Variants in FKBP15 observed in about 807,000 individuals in gnomAD.
FKBP15 encodes FKBP prolyl isomerase family member 15.
A neutral mutation model predicts 158.1 loss-of-function variants in FKBP15; 106 were observed. The observed-to-expected ratio is 0.67, with a 90% CI of 0.57 to 0.79. The LOEUF is 0.79. Among genes scored for constraint, FKBP15 ranks in the 30% least tolerant of loss-of-function variants. The pLI is 0.00. For synonymous variants in FKBP15, 547 were observed against 548.6 expected (o/e 1.00, Z 0.04); for missense variants, 1,287 against 1,479.1 (o/e 0.87, Z 2.13).
At chr9:113,189,312 T>C (rs1042000858) in intron 12 of FKBP15, among the ~76,000 whole-genome samples, 147 of 152,328 alleles carry the variant, frequency 9.7e-4, no homozygotes, top group African/African-American at 3.5e-3. Flanking sequence ...AATGATATAA[T>C]GGAACACTGG....
At chr9:113,206,934 A>G in intron 3 of FKBP15, 2 of 422,834 alleles carry the variant, frequency 4.7e-6, no homozygotes, top group South Asian at 7.4e-5. Context: ...TTTAAATATA[A>G]ATATCTATCA....
In FKBP15 at chr9:113,162,795, G is replaced by A; in HGVS notation, c.*3283C>T. 3 of 1,613,706 alleles carry A rather than the reference G, an allele frequency of 1.9e-6. No homozygotes were observed. The highest frequency in any genetic ancestry group is 1.3e-5 in the African/African-American group (1 of 74,976). The stretch of plus-strand genomic sequence containing the variant: ...CCAGTCTCTAATCCATGTCATCCAG[G>A]TGGTCATCGGCTACTTCATCATGCT... On this transcript the variant is annotated 3_prime_UTR_variant, in exon 28 of 28. Transcript: ENST00000238256.
chr9:113,182,145 T>G (rs921864676), intron 19 of FKBP15, among the ~76,000 whole-genome samples: 3 of 152,138 alleles, frequency 2.0e-5, no homozygotes, highest in African/African-American at 7.2e-5. Context: ...ATACAAAATA[T>G]AAACGAGTTC....
intron 1 of FKBP15, among the ~76,000 whole-genome samples, chr9:113,214,630 T>C (rs1831081411): frequency 6.6e-6 from 1 of 152,256 alleles, no homozygotes; most frequent in African/African-American, 2.4e-5. Context: ...CGGCTTCAAC[T>C]TTAAGTCACC....
Position 113,199,978 on chromosome 9 carries a change from C to A in FKBP15, c.499-15G>T. 1 of 1,606,868 alleles carries A rather than the reference C, an allele frequency of 6.2e-7. No individual in the cohort carries two copies. Among genetic ancestry groups the A allele is most frequent in the South Asian group, 1.1e-5 (1 of 89,576 alleles). On this transcript the variant is annotated splice_polypyrimidine_tract_variant and intron_variant, in intron 6 of 27. Coordinates refer to ENST00000238256, the MANE Select transcript of FKBP15 (RefSeq NM_015258.2). ...GCAATGCACACCTGCAAGACAAAAT[C>A]AAAGCAGCATAAATGTAGTTTAAGC...
chr9:113,188,242 A>G (rs962467871), intron 13 of FKBP15, 147 bp downstream of exon 13: 26 of 682,434 alleles, frequency 3.8e-5, no homozygotes, highest in Non-Finnish European at 5.9e-5. Flanking sequence ...TGCCTTACCC[A>G]GGGACAAACT....
intron 2 of FKBP15, among the ~76,000 whole-genome samples, chr9:113,208,732 C>T (rs935301886): frequency 7.3e-5 from 11 of 150,962 alleles, no homozygotes; most frequent in Admixed American, 4.0e-4. Flanking sequence ...TCAGGCTGGA[C>T]GAGATGGCTC....
In FKBP15 at chr9:113,165,705, C is replaced by T. The variant is rs913352497; in HGVS notation, c.*373G>A. ...GAGACCTCAGCCCAGGTCTTGTTGCCGGGGCACAGTTGAGCACTGGATTCA... is the reference window on the plus strand; with the variant it reads ...GAGACCTCAGCCCAGGTCTTGTTGCTGGGGCACAGTTGAGCACTGGATTCA... On this transcript the variant is annotated 3_prime_UTR_variant, in exon 28 of 28. Coordinates refer to ENST00000238256, the MANE Select transcript of FKBP15 (RefSeq NM_015258.2). 9 of 189,090 alleles carry T rather than the reference C, an allele frequency of 4.8e-5. No homozygotes were observed. The highest frequency in any genetic ancestry group is 1.2e-4 in the East Asian group (1 of 8,052). The allele number at this position is 189,090 out of a possible 1,614,324, so 11.7% of individuals were successfully genotyped here.
intron 3 of FKBP15, 95 bp downstream of exon 3, chr9:113,207,117 C>G: frequency 1.1e-6 from 1 of 949,994 alleles, no homozygotes; most frequent in Middle Eastern, 2.3e-4. Flanking sequence ...GGCTAAATAA[C>G]CGTTTTGCAA....
Position 113,186,238 on chromosome 9 carries a change from T to A in FKBP15, c.1498+11A>T. On this transcript the variant is annotated intron_variant, in intron 15 of 27. Transcript: ENST00000238256. ...AGCGGAAGATGAGAAACTGAGGGAA[T>A]TACTCCCTACCTTGGAAATGGGGAG... is the stretch of plus-strand genomic sequence containing the variant. The A allele has an allele frequency of 6.5e-7, 1 of 1,543,890 alleles. No individual in the cohort carries two copies. Among genetic ancestry groups the A allele is most frequent in the Non-Finnish European group, 8.8e-7 (1 of 1,139,150 alleles).
Position 113,169,870 on chromosome 9 carries a change from TTTCTTC to T in FKBP15, c.2833_2838del (p.Glu945_Glu946del), listed in dbSNP as rs113480096. On this transcript the variant is annotated inframe_deletion, in exon 26 of 28. Transcript: ENST00000238256. ...GGTCTTCGTGGCCGCTCTTCTGCTT[TTTCTTC>T]TTCTTCTTCACTGCTGCTCTCTTCC... 8 of 1,550,196 alleles carry T rather than the reference TTTCTTC, an allele frequency of 5.2e-6. No homozygotes were observed. The African/African-American group carries it at 1.1e-4, about 21-fold the overall frequency.
rs1282304661 is a variant in FKBP15 at position 113,161,394 on chromosome 9, G to A, written c.*4684C>T. ...AGAAGTTCGGAACTCAGCAAGGGTG[G>A]GGAAGAAGGTGCAGGATAGAGGTGG... is the stretch of plus-strand genomic sequence containing the variant. On this transcript the variant is annotated 3_prime_UTR_variant, in exon 28 of 28. Transcript: ENST00000238256. 2.1e-5 allele frequency: 19 copies of A among 921,470 alleles called. No individual in the cohort carries two copies. Among genetic ancestry groups the A allele is most frequent in the Non-Finnish European group, 3.4e-6 (2 of 584,218 alleles). The allele number at this position is 921,470 out of a possible 1,614,324, so 57.1% of individuals were successfully genotyped here. A position where few individuals can be genotyped will look rare whatever the true frequency, so the allele number is the denominator to read the frequency against.
At position 113,198,977 on chromosome 9, in the gene FKBP15, C is replaced by T; in HGVS notation, c.649-54G>A. The stretch of plus-strand genomic sequence containing the variant: ...AGCCAATTTCAAAAATAATAATAAC[C>T]ATTATGATATTCAACTAACTACATA... On this transcript the variant is annotated intron_variant, in intron 7 of 27. Coordinates refer to ENST00000238256, the MANE Select transcript of FKBP15 (RefSeq NM_015258.2). This position sits in a 1 kb window ranked among gnomAD's most constrained non-coding sequence, Gnocchi z 5.2. 8.2e-7 allele frequency: 1 copy of T among 1,222,190 alleles called. No individual in the cohort carries two copies. Among genetic ancestry groups the T allele is most frequent in the Non-Finnish European group, 1.2e-6 (1 of 846,372 alleles). The allele number at this position is 1,222,190 out of a possible 1,614,324, so 75.7% of individuals were successfully genotyped here. A position where few individuals can be genotyped will look rare whatever the true frequency, so the allele number is the denominator to read the frequency against.
intron 24 of FKBP15, 72 bp from the exon 25 acceptor site, chr9:113,170,701 A>C: frequency 9.0e-7 from 1 of 1,110,458 alleles, no homozygotes; most frequent in Non-Finnish European, 1.4e-6. Context: ...AGAGAGGTGT[A>C]TGGAAGGCCA....
At chr9:113,197,524 C>G (rs1223107464) in intron 8 of FKBP15, among the ~76,000 whole-genome samples, 2 of 152,022 alleles carry the variant, frequency 1.3e-5, no homozygotes, top group Non-Finnish European at 1.5e-5. Flanking sequence ...AAAAAATTAG[C>G]CAGATGTGGT....
chr9:113,179,535 G>A (rs919338072), intron 19 of FKBP15, among the ~76,000 whole-genome samples: 4 of 151,900 alleles, frequency 2.6e-5, no homozygotes, highest in Non-Finnish European at 5.9e-5. Context: ...GGTGGTGGGC[G>A]CCTGTCATCC....
chr9:113,186,280 T>A lies in FKBP15; in HGVS notation c.1467A>T (p.Pro489=), dbSNP rs1830483840. 2 of 1,568,730 alleles carry A rather than the reference T, an allele frequency of 1.3e-6. No homozygotes were observed. Among genetic ancestry groups the A allele is most frequent in the African/African-American group, 2.7e-5 (2 of 74,068 alleles). ...AATGGGGAGGCTGAGAGAGCGGTGC[T>A]GGGTACAAAGGCCGAACGGGCTGCA... ...SQLQPVRPLY[P]APLSQPPHFQ... Residue 489 remains proline (P), a synonymous_variant, in exon 15 of 28, where the codon CCA becomes CCT. Transcript: ENST00000238256.
intron 11 of FKBP15, 21 bp from the exon 12 acceptor site, chr9:113,190,599 C>CA (rs1409931484): frequency 6.3e-7 from 1 of 1,575,380 alleles, no homozygotes. Flanking sequence ...AGGAAAGTCA[C>CA]AAAAATCACT....
At chr9:113,188,318 T>C in intron 13 of FKBP15, 71 bp downstream of exon 13, 1 of 1,175,362 alleles carries the variant, frequency 8.5e-7, no homozygotes, top group Non-Finnish European at 1.3e-6. Context: ...GCCTAACAGT[T>C]TAAGGAACAG....
Sources: gnomAD v4.1 joint callset for allele counts (sites outside exome capture counted in the v4.1 genomes callset) on GRCh38, gnomAD v4.1.1 for gene constraint, Gnocchi (gnomAD v3.1) non-coding constraint, MANE v1.5 for transcripts, NCBI Gene and HGNC (gene_info 2026-07-23, HGNC 2026-07-21) for gene names.